HSPG2: variants seen among roughly 807,000 people sequenced by gnomAD.
HSPG2 encodes heparan sulfate proteoglycan 2, also known as basement membrane-specific heparan sulfate proteoglycan core protein.
A neutral mutation model predicts 526.6 loss-of-function variants in HSPG2; 278 were observed. The ratio of observed to expected loss-of-function variants is 0.53; its 90% CI spans 0.48 to 0.58. HSPG2 has a LOEUF of 0.58. HSPG2 is among the 20% of genes least tolerant of loss of function. The pLI is 0.00. For missense variants in HSPG2, 5,354 were observed against 6,099.5 expected, an observed-to-expected ratio of 0.88 and a Z score of 4.07; for synonymous variants, 2,465 against 2,555.4, an observed-to-expected ratio of 0.96 and a Z score of 1.07.
chr1:21,859,957 A>T lies in HSPG2; in HGVS notation c.5060T>A (p.Ile1687Lys), dbSNP rs1306153285. 1.9e-6 allele frequency: 3 copies of T among 1,610,918 alleles called. No homozygotes were observed. The highest frequency in any genetic ancestry group is 2.5e-6 in the Non-Finnish European group (3 of 1,179,510). The part of the protein sequence containing the change: ...LVVEVHPARS[I>K]VPQGGSHSLR... The stretch of plus-strand genomic sequence containing the variant: ...GGAGTGGGAGCCACCTTGGGGCACT[A>T]TGCTTCGAGCAGGATGGACCTCGAC... Residue 1687 changes from isoleucine to lysine, a missense_variant, in exon 41 of 97, where the codon ATA becomes AAA. By Grantham distance (102) the Ile-to-Lys change is moderately radical. Coordinates refer to ENST00000374695, the MANE Select transcript of HSPG2 (RefSeq NM_005529.7). This position sits in a 1 kb window ranked among gnomAD's most constrained non-coding sequence, Gnocchi z 5.3.
intron 52 of HSPG2, 76 bp downstream of exon 52, chr1:21,852,624 A>AG (rs111444041): frequency 6.4e-5 from 102 of 1,594,996 alleles, no homozygotes; most frequent in Non-Finnish European, 7.7e-5. Context: ...TGTCAGCAAG[A>AG]GGGGTCCCTT....
intron 64 of HSPG2, 125 bp from the exon 65 acceptor site, chr1:21,844,424 T>C (rs556378651): frequency 2.7e-6 from 3 of 1,111,276 alleles, no homozygotes; most frequent in African/African-American, 3.1e-5. Context: ...TCCCGTTCCA[T>C]TGAGGCCTGG....
chr1:21,846,044 G>T, intron 64 of HSPG2, 64 bp downstream of exon 64: 1 of 1,577,210 alleles, frequency 6.3e-7, no homozygotes, highest in Non-Finnish European at 8.7e-7. Flanking sequence ...TGCCAGTTCT[G>T]CCCCCTGGTC....
At chr1:21,882,534 C>T (rs2152757102) in intron 13 of HSPG2, among the ~76,000 whole-genome samples, 1 of 152,140 alleles carries the variant, frequency 6.6e-6, no homozygotes, top group African/African-American at 2.4e-5. Context: ...TGAAAATATC[C>T]TGTACCTACA....
In HSPG2 at chr1:21,847,282, T is replaced by C; in HGVS notation, c.8164+72A>G. 1 of 1,562,344 alleles carries C rather than the reference T, an allele frequency of 6.4e-7. No homozygotes were observed. Among genetic ancestry groups the C allele is most frequent in the East Asian group, 2.2e-5 (1 of 44,624 alleles). On this transcript the variant is annotated intron_variant, in intron 62 of 96. Coordinates refer to ENST00000374695, the MANE Select transcript of HSPG2 (RefSeq NM_005529.7). This position sits in a 1 kb window ranked among gnomAD's most constrained non-coding sequence, Gnocchi z 4.1. The stretch of plus-strand genomic sequence containing the variant: ...TGAGTACCACCAGGTCTGAGGACTC[T>C]GACCTGAAAGTTCCTTCTCCCCAGG...
intron 18 of HSPG2, 42 bp downstream of exon 18, chr1:21,878,952 T>C (rs1268540327): frequency 1.9e-6 from 3 of 1,602,278 alleles, no homozygotes; most frequent in African/African-American, 1.3e-5. Context: ...CCTGTTGCAC[T>C]GTCCCCAGCC....
chr1:21,897,080 C>T (rs1642806444), intron 1 of HSPG2, among the ~76,000 whole-genome samples: 1 of 152,244 alleles, frequency 6.6e-6, no homozygotes. Context: ...GCCCCAGCAG[C>T]CATAACACCT....
chr1:21,875,664 G>A lies in HSPG2; in HGVS notation c.3267C>T (p.Ile1089=). ...MALAGIDTLL[I]RASYAQQPAE... The stretch of plus-strand genomic sequence containing the variant: ...CGGGCTGCTGGGCGTAGGATGCTCG[G>A]ATCAGGAGGGTGTCGATGCCTGCCA... Residue 1089 remains isoleucine, a synonymous_variant, in exon 25 of 97, where the codon ATC becomes ATT. Coordinates refer to ENST00000374695, the MANE Select transcript of HSPG2 (RefSeq NM_005529.7). 1 of 1,603,148 alleles carries A rather than the reference G, an allele frequency of 6.2e-7. No individual in the cohort carries two copies. Among genetic ancestry groups the A allele is most frequent in the Non-Finnish European group, 8.5e-7 (1 of 1,179,970 alleles).
At position 21,873,083 on chromosome 1, in the gene HSPG2, G is replaced by C. The variant is rs1475907564; in HGVS notation, c.3802C>G (p.Gln1268Glu). ...SQGQPCQRDSQVPGPIGCNCD... is the reference protein window; with the variant it reads ...SQGQPCQRDSEVPGPIGCNCD... The stretch of plus-strand genomic sequence containing the variant: ...TTGCAGCCTATGGGCCCTGGCACCT[G>C]GCTGTCTCCTGAGGTGGAAGAAAGC... Residue 1268 changes from glutamine (Q) to glutamate (E), a missense_variant, in exon 31 of 97, where the codon CAG becomes GAG. Coordinates refer to ENST00000374695, the MANE Select transcript of HSPG2 (RefSeq NM_005529.7). 4.4e-6 allele frequency: 7 copies of C among 1,600,638 alleles called. No individual in the cohort carries two copies. Among genetic ancestry groups the C allele is most frequent in the Middle Eastern group, 1.6e-4 (1 of 6,082 alleles).
rs575513329 is a variant in HSPG2, at chr1:21,861,473, C to A, written c.4955+284G>T. On this transcript the variant is annotated intron_variant, in intron 39 of 96. Coordinates refer to ENST00000374695, the MANE Select transcript of HSPG2 (RefSeq NM_005529.7). ...GACCAGCCTGGGCAACACAGTGAGA[C>A]CCTGTCTCAGTTTAAAAAAAAAAAA... 1.6e-4 allele frequency among the ~76,000 whole-genome samples: 21 copies of A among 134,868 alleles called. No individual in the cohort carries two copies. In the South Asian group the frequency reaches 5.1e-3, roughly 33 times the overall value. 88.5% of individuals were successfully genotyped at this position (134,868 alleles called of 152,430 possible). A position where few individuals can be genotyped will look rare whatever the true frequency, so the allele number is the denominator to read the frequency against.
intron 43 of HSPG2, 26 bp downstream of exon 43, chr1:21,857,259 C>T: frequency 6.2e-7 from 1 of 1,613,930 alleles, no homozygotes. Context: ...CAGACTTCCT[C>T]CATCCCCACT....
chr1:21,827,965 G>T, intron 90 of HSPG2, 46 bp from the exon 91 acceptor site: 1 of 1,610,744 alleles, frequency 6.2e-7, no homozygotes, highest in Non-Finnish European at 8.5e-7. Flanking sequence ...GACACCCGTG[G>T]GTACTATGTC....
At chr1:21,909,357 C>G (rs1341931537) in intron 1 of HSPG2, among the ~76,000 whole-genome samples, 2 of 152,164 alleles carry the variant, frequency 1.3e-5, no homozygotes, top group South Asian at 2.1e-4. Flanking sequence ...GGCAAGCAGA[C>G]AGAGAGCACA....
chr1:21,883,697 T>C (rs1488271582), intron 13 of HSPG2, among the ~76,000 whole-genome samples: 1 of 152,202 alleles, frequency 6.6e-6, no homozygotes, highest in African/African-American at 2.4e-5. Flanking sequence ...TGTTGAGTGC[T>C]TTGGAGCTAA....
At chr1:21,842,643 C>T (rs1488619548) in intron 67 of HSPG2, 127 bp downstream of exon 67, 2 of 1,272,168 alleles carry the variant, frequency 1.6e-6, no homozygotes. Flanking sequence ...GTGAACTCGT[C>T]CCGCAAACGT....
chr1:21,862,354 C>T (rs564565344), intron 37 of HSPG2, among the ~76,000 whole-genome samples: 5 of 152,072 alleles, frequency 3.3e-5, no homozygotes, highest in South Asian at 4.2e-4. Context: ...GAGGCCGAGG[C>T]GGGTGGATCA....
At chr1:21,892,036 G>A (rs543166244) in intron 3 of HSPG2, among the ~76,000 whole-genome samples, 70 of 152,370 alleles carry the variant, frequency 4.6e-4, no homozygotes, top group Admixed American at 5.9e-4. Flanking sequence ...TCTGAAATCC[G>A]GTGTGTAGGT....
rs143110975 is a variant in HSPG2 at position 21,878,464 on chromosome 1, G to A, written c.2586C>T (p.Pro862=). ...GCCTGCACTTCCCGCCGGGCTGGAT[G>A]GGGTTGCCCTCGTATCCGGGGGCAC... is the stretch of plus-strand genomic sequence containing the variant. ...ESCAPGYEGN[P]IQPGGKCRPV... The change falls in exon 20 of 97, where the codon CCC becomes CCT. Residue 862 remains proline (P), a synonymous_variant. Coordinates refer to ENST00000374695, the MANE Select transcript of HSPG2 (RefSeq NM_005529.7). 512 of 1,610,032 alleles carry A rather than the reference G, an allele frequency of 3.2e-4. No individual in the cohort carries two copies. In the African/African-American group the frequency reaches 6.0e-3, roughly 19 times the overall value.
chr1:21,888,771 G>C (rs751873758), intron 6 of HSPG2: 5 of 1,266,882 alleles, frequency 3.9e-6, no homozygotes, highest in Non-Finnish European at 5.3e-6. Flanking sequence ...CGGGAGCTGA[G>C]GGCTGCAGGG....
Sources: gnomAD v4.1 joint callset for allele counts (sites outside exome capture counted in the v4.1 genomes callset) on GRCh38, gnomAD v4.1.1 for gene constraint, Gnocchi (gnomAD v3.1) non-coding constraint, MANE v1.5 for transcripts, NCBI Gene and HGNC (gene_info 2026-07-23, HGNC 2026-07-21) for gene names.